Variants in WWOX observed in about 807,000 individuals in gnomAD.
WWOX encodes the protein WW domain containing oxidoreductase, also known as WW domain-containing oxidoreductase.
WWOX carries 69 observed loss-of-function variants against 46.2 expected under a neutral mutation model. That is an observed-to-expected ratio of 1.49 (90% confidence interval 1.23 to 1.82). The LOEUF is 1.82. Ranked by LOEUF, WWOX falls within the 40% of genes most tolerant of loss-of-function variation. The pLI, the probability that WWOX is intolerant of heterozygous loss-of-function variation, is 0.00. For synonymous variants in WWOX, 359 were observed against 202.6 expected (o/e 1.77, Z -6.56); for missense variants, 919 against 542.6 (o/e 1.69, Z -6.89).
chr16:78,772,189 C>G (rs1301722059), intron 8 of WWOX, among the ~76,000 whole-genome samples: 1 of 152,150 alleles, frequency 6.6e-6, no homozygotes, highest in Non-Finnish European at 1.5e-5. Context: ...CCTCTCCTTC[C>G]TCTCTCCCTC....
chr16:78,715,639 C>T (rs1409761295), intron 8 of WWOX, among the ~76,000 whole-genome samples: 1 of 152,092 alleles, frequency 6.6e-6, no homozygotes, highest in African/African-American at 2.4e-5. Context: ...GCCACCACAC[C>T]CAGCTTTTTG....
chr16:78,842,452 A>G (rs1198359507), intron 8 of WWOX, among the ~76,000 whole-genome samples: 1 of 152,134 alleles, frequency 6.6e-6, no homozygotes, highest in African/African-American at 2.4e-5. Context: ...ATGGTGAGCT[A>G]GGATCACGCT....
At chr16:78,542,018 C>CAA (rs548366256) in intron 8 of WWOX, among the ~76,000 whole-genome samples, 1,771 of 40,620 alleles carry the variant, frequency 0.044, 482 homozygotes, top group East Asian at 0.18. Flanking sequence ...CAGAGTATAC[C>CAA]AAAAAAAAAA....
chr16:78,194,462 C>T (rs1175567316), intron 5 of WWOX, among the ~76,000 whole-genome samples: 3 of 151,304 alleles, frequency 2.0e-5, no homozygotes, highest in Non-Finnish European at 2.9e-5. Context: ...GTGGTGGGCA[C>T]CTGTATTCCC....
At chr16:78,794,335 A>C (rs1055561355) in intron 8 of WWOX, among the ~76,000 whole-genome samples, 14 of 152,102 alleles carry the variant, frequency 9.2e-5, no homozygotes, top group African/African-American at 2.4e-4. Flanking sequence ...GCTCCCCAGG[A>C]GTCTCTCTCG....
chr16:79,041,343 C>G (rs1194183287), intron 8 of WWOX, among the ~76,000 whole-genome samples: 1 of 152,172 alleles, frequency 6.6e-6, no homozygotes, highest in Non-Finnish European at 1.5e-5. Context: ...TGAGCTCACC[C>G]TCTCTAGGAA....
intron 8 of WWOX, among the ~76,000 whole-genome samples, chr16:78,487,835 C>T (rs942895364): frequency 1.3e-4 from 20 of 152,120 alleles, no homozygotes; most frequent in African/African-American, 4.6e-4. Context: ...CTCTGGCTTC[C>T]AGGAACCACC....
chr16:78,540,208 A>G (rs576767344), intron 8 of WWOX, among the ~76,000 whole-genome samples: 3 of 151,788 alleles, frequency 2.0e-5, no homozygotes, highest in African/African-American at 4.8e-5. Context: ...TAGAATCTTG[A>G]TGGGATTGAT....
At chr16:79,128,374 A>G (rs1018023351) in intron 8 of WWOX, among the ~76,000 whole-genome samples, 2 of 147,130 alleles carry the variant, frequency 1.4e-5, no homozygotes, top group African/African-American at 2.7e-5. Context: ...GTGAAAAACA[A>G]AAAACAAAAA....
chr16:78,457,471 G>A (rs908846441), intron 8 of WWOX, among the ~76,000 whole-genome samples: 13 of 152,076 alleles, frequency 8.5e-5, no homozygotes, highest in Admixed American at 4.6e-4. Flanking sequence ...ATTGGTAGGT[G>A]GAAATAGAAA....
At chr16:78,244,722 C>A (rs1008675486) in intron 5 of WWOX, among the ~76,000 whole-genome samples, 1 of 152,302 alleles carries the variant, frequency 6.6e-6, no homozygotes, top group South Asian at 2.1e-4. Context: ...GCAACACTTG[C>A]ACCTGCAGTT....
chr16:78,421,574 C>G (rs7193017), intron 6 of WWOX, among the ~76,000 whole-genome samples: 1,558 of 152,252 alleles, frequency 0.01, 24 homozygotes, highest in African/African-American at 0.034. Context: ...ACTATGGAAG[C>G]AATGGGATGG....
At chr16:78,323,979 T>C (rs773034272) in intron 5 of WWOX, among the ~76,000 whole-genome samples, 1 of 152,190 alleles carries the variant, frequency 6.6e-6, no homozygotes, top group African/African-American at 2.4e-5. Context: ...CATTTTTGGA[T>C]GCATTTTCCT....
intron 8 of WWOX, among the ~76,000 whole-genome samples, chr16:79,162,062 A>G (rs1474170139): frequency 1.3e-5 from 2 of 152,190 alleles, no homozygotes; most frequent in Admixed American, 1.3e-4. Context: ...AGTTACGGGT[A>G]GTTATTGAAT....
chr16:78,428,094 C>A (rs913288715), intron 7 of WWOX, among the ~76,000 whole-genome samples: 1 of 152,142 alleles, frequency 6.6e-6, no homozygotes, highest in African/African-American at 2.4e-5. Flanking sequence ...AAAAGCAAAA[C>A]CCCCACAGTA....
chr16:79,150,495 G>A (rs995375172), intron 8 of WWOX, among the ~76,000 whole-genome samples: 1 of 152,162 alleles, frequency 6.6e-6, no homozygotes, highest in Non-Finnish European at 1.5e-5. Flanking sequence ...AGGGAAGACA[G>A]GAGAAAGTGC....
In WWOX at chr16:79,040,919, G is replaced by C. The variant is rs1034905159; in HGVS notation, c.1057-170689G>C. Reference sequence around the variant, plus strand: ...AGGGAGAGGTTGCTCCTGGGTTGCAGGACGCATCCATGGATGGAGCATGGG... The same window carrying C: ...AGGGAGAGGTTGCTCCTGGGTTGCACGACGCATCCATGGATGGAGCATGGG... On this transcript the variant is annotated intron_variant, in intron 8 of 8. Transcript: ENST00000566780. Among the ~76,000 whole-genome samples the C allele has an allele frequency of 2.0e-5, 3 of 152,096 alleles. No homozygotes were observed. In the East Asian group the frequency reaches 5.8e-4, roughly 29 times the overall value.
intron 5 of WWOX, among the ~76,000 whole-genome samples, chr16:78,262,972 A>G (rs1044631447): frequency 6.6e-6 from 1 of 151,076 alleles, no homozygotes; most frequent in African/African-American, 2.4e-5. Flanking sequence ...GCCCTGCTCA[A>G]CTCTCATGGG....
intron 8 of WWOX, among the ~76,000 whole-genome samples, chr16:78,433,231 C>A (rs532662146): frequency 2.2e-4 from 33 of 152,140 alleles, no homozygotes; most frequent in Non-Finnish European, 3.8e-4. Context: ...TGGGTATAAT[C>A]CTCTGTTGGA....
Sources: allele counts gnomAD v4.1 joint callset (sites outside exome capture counted in the v4.1 genomes callset), GRCh38; gene constraint gnomAD v4.1.1; transcripts MANE v1.5; gene names NCBI Gene and HGNC (gene_info 2026-07-23, HGNC 2026-07-21).